Variants in ADARB2 observed in about 807,000 individuals in gnomAD.
ADARB2 encodes adenosine deaminase RNA specific B2 (inactive), also known as inactive double-stranded RNA-specific editase B2.
In ADARB2, 25 loss-of-function variants were observed where a neutral mutation model predicts 62.2. That is an observed-to-expected ratio of 0.40 (90% CI 0.29 to 0.56). The LOEUF is 0.56. Among genes scored for constraint, ADARB2 ranks in the 20% least tolerant of loss-of-function variants. The probability of loss-of-function intolerance (pLI) is 0.43; values close to 1 mark genes in which losing one functional copy is unlikely to be tolerated. For synonymous variants in ADARB2, 572 were observed against 500.8 expected (o/e 1.14, Z -1.90); for missense variants, 1,071 against 1,077.4 (o/e 0.99, Z 0.08).
intron 1 of ADARB2, among the ~76,000 whole-genome samples, chr10:1,562,403 G>A (rs1034032646): frequency 6.6e-6 from 1 of 152,088 alleles, no homozygotes; most frequent in African/African-American, 2.4e-5. Flanking sequence ...TCCTAGTTAC[G>A]AGCCTCACTC....
chr10:1,513,641 C>G (rs555008738), intron 1 of ADARB2, among the ~76,000 whole-genome samples: 3 of 152,194 alleles, frequency 2.0e-5, no homozygotes, highest in Non-Finnish European at 2.9e-5. Flanking sequence ...AGGAGAGGGG[C>G]AGGGGTTCTG....
chr10:1,713,903 G>A lies in ADARB2; in HGVS notation c.100+23148C>T, dbSNP rs184901678. On this transcript the variant is annotated intron_variant, in intron 1 of 9. Coordinates refer to ENST00000381312, the MANE Select transcript of ADARB2 (RefSeq NM_018702.4). ...TATCTGCCATACAAGCATGGGCCAG[G>A]GTCAGATGCCTGGGGACCCAGTGGT... is the stretch of plus-strand genomic sequence containing the variant. Among the ~76,000 whole-genome samples the A allele has an allele frequency of 1.2e-4, 19 of 152,286 alleles. No individual in the cohort carries two copies. The East Asian group carries it at 3.7e-3, about 29-fold the overall frequency.
intron 1 of ADARB2, among the ~76,000 whole-genome samples, chr10:1,537,727 C>A (rs915987513): frequency 2.6e-5 from 4 of 152,158 alleles, no homozygotes; most frequent in Non-Finnish European, 4.4e-5. Flanking sequence ...AAACCAAACA[C>A]AGCATGTTCT....
intron 1 of ADARB2, among the ~76,000 whole-genome samples, chr10:1,479,099 G>A (rs907263954): frequency 6.6e-6 from 1 of 152,184 alleles, no homozygotes; most frequent in African/African-American, 2.4e-5. Flanking sequence ...ATGTGTGGCC[G>A]CATCTCAGCC....
chr10:1,328,674 T>C (rs537472010), intron 3 of ADARB2, among the ~76,000 whole-genome samples: 2 of 152,092 alleles, frequency 1.3e-5, no homozygotes, highest in African/African-American at 4.8e-5. Context: ...CATGTAAAAC[T>C]TCGATTTCAT....
At chr10:1,582,699 T>A (rs1303147191) in intron 1 of ADARB2, among the ~76,000 whole-genome samples, 3 of 152,140 alleles carry the variant, frequency 2.0e-5, no homozygotes, top group Admixed American at 6.5e-5. Flanking sequence ...CTAACACTAG[T>A]GCAAATGCTA....
rs568403077 is a variant in ADARB2, at chr10:1,644,969, A to G, written c.100+92082T>C. Among the ~76,000 whole-genome samples, 63 of 152,368 alleles carry G rather than the reference A, an allele frequency of 4.1e-4. No individual in the cohort carries two copies. The South Asian group carries it at 6.6e-3, about 16-fold the overall frequency. The stretch of plus-strand genomic sequence containing the variant: ...TCACGCCTATACAAACACACAAAAA[A>G]GAGGTCAAGGTAGACTGTAGAATGC... On this transcript the variant is annotated intron_variant, in intron 1 of 9. Transcript: ENST00000381312.
intron 1 of ADARB2, among the ~76,000 whole-genome samples, chr10:1,648,793 C>T (rs139265846): frequency 6.6e-5 from 10 of 152,224 alleles, no homozygotes; most frequent in Admixed American, 1.3e-4. Flanking sequence ...GTGTTTTAGA[C>T]GCCATCTGCA....
intron 1 of ADARB2, among the ~76,000 whole-genome samples, chr10:1,597,772 T>G (rs2132012330): frequency 6.6e-6 from 1 of 152,356 alleles, no homozygotes; most frequent in South Asian, 2.1e-4. Flanking sequence ...CACTACTGGA[T>G]ATCTACCCAA....
In ADARB2 at chr10:1,363,213, G is replaced by T. The variant is rs1564269441; in HGVS notation, c.892C>A (p.Pro298Thr). The T allele has an allele frequency of 6.8e-7, 1 of 1,464,984 alleles. No individual in the cohort carries two copies. Among genetic ancestry groups the T allele is most frequent in the African/African-American group, 1.5e-5 (1 of 68,272 alleles). 90.7% of individuals were successfully genotyped at this position (1,464,984 alleles called of 1,614,324 possible). The change falls in exon 3 of 10, where the codon CCG becomes ACG. Residue 298 changes from proline (P) to threonine (T), a missense_variant. Physicochemically the swap from Pro to Thr is conservative, Grantham distance 38 (BLOSUM62 -1). Coordinates refer to ENST00000381312, the MANE Select transcript of ADARB2 (RefSeq NM_018702.4). ...AGLRYVCLAE[P>T]AERRARSFVM... ...AAGCTCCGCGCGCGCCGCTCGGCCG[G>T]TTCTGCCAGACACACGTAGCGCAGC...
At chr10:1,463,221 C>A (rs550860648) in intron 1 of ADARB2, among the ~76,000 whole-genome samples, 3 of 152,236 alleles carry the variant, frequency 2.0e-5, no homozygotes, top group African/African-American at 7.2e-5. Flanking sequence ...GGGGCAGATG[C>A]CTGTGGTGTT....
At chr10:1,346,533 A>G (rs1294333011) in intron 3 of ADARB2, among the ~76,000 whole-genome samples, 1 of 152,210 alleles carries the variant, frequency 6.6e-6, no homozygotes, top group Non-Finnish European at 1.5e-5. Context: ...ATGATCTGGG[A>G]GCATTTGTGG....
Position 1,178,301 on chromosome 10 carries a change from A to AGGGGAG in ADARB2, c.*4886_*4891dup, listed in dbSNP as rs1278719636. On this transcript the variant is annotated 3_prime_UTR_variant, in exon 10 of 10. Coordinates refer to ENST00000381312, the MANE Select transcript of ADARB2 (RefSeq NM_018702.4). ...GTTGAGAAGGGAAGCGAAGAGGCTG[A>AGGGGAG]GGGGAGAGTGAGCGGAGGGTGGTGC... The AGGGGAG allele has an allele frequency of 6.6e-6, 1 of 152,432 alleles. No individual in the cohort carries two copies. Among genetic ancestry groups the AGGGGAG allele is most frequent in the Non-Finnish European group, 1.5e-5 (1 of 68,174 alleles). The allele number at this position is 152,432 out of a possible 1,614,324, so 9.4% of individuals were successfully genotyped here.
intron 3 of ADARB2, among the ~76,000 whole-genome samples, chr10:1,332,484 T>TTTTG (rs1554754782): frequency 1.0e-4 from 15 of 148,740 alleles, no homozygotes; most frequent in Admixed American, 7.4e-4. Flanking sequence ...CAGTTTTGTT[T>TTTTG]TTTTTTTTTT....
chr10:1,507,904 C>G lies in ADARB2; in HGVS notation c.101-128744G>C, dbSNP rs140892649. 3.3e-5 allele frequency among the ~76,000 whole-genome samples: 5 copies of G among 152,284 alleles called. 1 individual carries two copies. The highest frequency in any genetic ancestry group is 1.2e-4 in the African/African-American group (5 of 41,562). ...GTCTTCTCCAGGGTGGGACAGGCAG[C>G]GATGGCTCTTCCACTGGCCTCTGGG... On this transcript the variant is annotated intron_variant, in intron 1 of 9. Transcript: ENST00000381312.
intron 1 of ADARB2, among the ~76,000 whole-genome samples, chr10:1,572,205 G>A (rs1832951295): frequency 6.7e-6 from 1 of 148,644 alleles, no homozygotes; most frequent in Admixed American, 6.7e-5. Flanking sequence ...GCTGGTGAGT[G>A]TGCAGGTGAG....
rs1175235725 is a variant in ADARB2, at chr10:1,513,392, C to A, written c.101-134232G>T. ...CAGGCCTGTTTCCTGAAGCCGGCAGCGCCCTGCAGCCGACTCTGGCAGGAG... is the reference window on the plus strand; with the variant it reads ...CAGGCCTGTTTCCTGAAGCCGGCAGAGCCCTGCAGCCGACTCTGGCAGGAG... On this transcript the variant is annotated intron_variant, in intron 1 of 9. Coordinates refer to ENST00000381312, the MANE Select transcript of ADARB2 (RefSeq NM_018702.4). 2.0e-5 allele frequency among the ~76,000 whole-genome samples: 3 copies of A among 152,298 alleles called. No individual in the cohort carries two copies. In the East Asian group the frequency reaches 5.8e-4, roughly 29 times the overall value.
At chr10:1,422,280 T>C (rs1349287117) in intron 1 of ADARB2, among the ~76,000 whole-genome samples, 1 of 152,252 alleles carries the variant, frequency 6.6e-6, no homozygotes, top group African/African-American at 2.4e-5. Flanking sequence ...AGACTTAATA[T>C]AAGGTCAGGA....
chr10:1,734,910 G>A (rs910473963), intron 1 of ADARB2, among the ~76,000 whole-genome samples: 3 of 152,190 alleles, frequency 2.0e-5, no homozygotes, highest in African/African-American at 4.8e-5. Context: ...AAAAATATCA[G>A]CATCTGTAAT....
Sources: allele counts gnomAD v4.1 joint callset (sites outside exome capture counted in the v4.1 genomes callset), GRCh38; gene constraint gnomAD v4.1.1; transcripts MANE v1.5; gene names NCBI Gene and HGNC (gene_info 2026-07-23, HGNC 2026-07-21).